The following KCNAB1 variants were observed in gnomAD, a reference collection of about 807,000 sequenced individuals.
KCNAB1 encodes voltage-gated potassium channel subunit beta-1.
Under a neutral mutation model 64.6 loss-of-function variants are expected in KCNAB1, and 35 were observed. The observed-to-expected ratio is 0.54, with a 90% CI of 0.41 to 0.72. The LOEUF (loss-of-function observed/expected upper bound fraction) is 0.72. Among genes scored for constraint, KCNAB1 ranks in the 30% least tolerant of loss-of-function variants. The pLI, the probability that KCNAB1 is intolerant of heterozygous loss-of-function variation, is 0.00. For missense variants in KCNAB1, 401 were observed against 512.9 expected, an observed-to-expected ratio of 0.78 and a Z score of 2.11; for synonymous variants, 177 against 183.8, an observed-to-expected ratio of 0.96 and a Z score of 0.30.
At chr3:156,118,641 G>A (rs1055036072), upstream of KCNAB1, among the ~76,000 whole-genome samples, 6 of 152,234 alleles carry the variant, frequency 3.9e-5, no homozygotes, top group African/African-American at 1.4e-4. Flanking sequence ...GGTACGTGAT[G>A]GAGTTAGGAT....
At chr3:156,512,184 T>C (rs1717258001) in intron 8 of KCNAB1, among the ~76,000 whole-genome samples, 1 of 152,228 alleles carries the variant, frequency 6.6e-6, no homozygotes, top group African/African-American at 2.4e-5. Context: ...TGAAACTCCC[T>C]GAGTCCAGGA....
chr3:156,248,624 A>G (rs1477342079), intron 1 of KCNAB1, among the ~76,000 whole-genome samples: 1 of 152,284 alleles, frequency 6.6e-6, no homozygotes, highest in East Asian at 1.9e-4. Context: ...ACCTAATTCA[A>G]TATAATCTCA....
chr3:156,387,004 TTC>T (rs1306718735), intron 1 of KCNAB1, among the ~76,000 whole-genome samples: 2 of 131,714 alleles, frequency 1.5e-5, no homozygotes, highest in African/African-American at 3.4e-5. Flanking sequence ...CTTGCTTGCT[TTC>T]TCTCTCTCTT....
At chr3:156,427,672 T>C (rs999772436) in intron 2 of KCNAB1, among the ~76,000 whole-genome samples, 5 of 152,124 alleles carry the variant, frequency 3.3e-5, no homozygotes, top group Non-Finnish European at 7.3e-5. Context: ...CAGTGGTATA[T>C]CAATGAAGAG....
At chr3:156,328,264 G>T (rs1014620612) in intron 1 of KCNAB1, among the ~76,000 whole-genome samples, 1 of 152,120 alleles carries the variant, frequency 6.6e-6, no homozygotes, top group East Asian at 1.9e-4. Flanking sequence ...CACTTAAAAA[G>T]AGTTTGGGCT....
At chr3:156,322,785 T>C (rs1056658460) in intron 1 of KCNAB1, among the ~76,000 whole-genome samples, 1 of 152,188 alleles carries the variant, frequency 6.6e-6, no homozygotes, top group African/African-American at 2.4e-5. Flanking sequence ...GGATTCCCTT[T>C]AGAAATGCAG....
intron 1 of KCNAB1, among the ~76,000 whole-genome samples, chr3:156,267,699 C>CAG (rs1718799728): frequency 6.6e-6 from 1 of 152,004 alleles, no homozygotes; most frequent in Admixed American, 6.6e-5. Flanking sequence ...TCTATCTTTG[C>CAG]CCAGGTTCTT....
Position 156,143,181 on chromosome 3 carries a change from G to A in KCNAB1, c.275+22295G>A, listed in dbSNP as rs1168719519. ...TTGCTTCCTTGGGTTTTTGAAACAT[G>A]CATCTGTATAAACCTGCCTGTGCAG... On this transcript the variant is annotated intron_variant, in intron 1 of 13. Coordinates refer to ENST00000490337, the MANE Select transcript of KCNAB1 (RefSeq NM_172160.3). The A allele has an allele frequency of 2.5e-6, 4 of 1,587,762 alleles. No homozygotes were observed. In the East Asian group the frequency reaches 9.0e-5, roughly 36 times the overall value.
intron 1 of KCNAB1, among the ~76,000 whole-genome samples, chr3:156,413,592 A>T (rs1361916604): frequency 6.6e-6 from 1 of 152,200 alleles, no homozygotes; most frequent in African/African-American, 2.4e-5. Context: ...GCTGATAGTA[A>T]GTGATAGAGG....
chr3:156,279,132 A>C, intron 1 of KCNAB1, among the ~76,000 whole-genome samples: 1 of 134,268 alleles, frequency 7.4e-6, no homozygotes, highest in African/African-American at 2.8e-5. Flanking sequence ...CCACCCCACA[A>C]CAGTCCCCAG....
chr3:156,421,542 T>C (rs1715464843), intron 1 of KCNAB1, 74 bp from the exon 2 acceptor site: 3 of 1,459,692 alleles, frequency 2.1e-6, no homozygotes, highest in South Asian at 2.4e-5. Context: ...AAAATGGAGA[T>C]ACAATATCCA....
At chr3:156,354,431 G>A (rs573742151) in intron 1 of KCNAB1, among the ~76,000 whole-genome samples, 90 of 151,866 alleles carry the variant, frequency 5.9e-4, no homozygotes, top group Non-Finnish European at 1.1e-3. Context: ...AAAGTGCTGG[G>A]ATTACAGGCA....
intron 1 of KCNAB1, among the ~76,000 whole-genome samples, chr3:156,172,289 T>C (rs542024854): frequency 6.6e-6 from 1 of 151,828 alleles, no homozygotes; most frequent in Non-Finnish European, 1.5e-5. Context: ...TGGCTTTTTT[T>C]TTTTTTTGGA....
chr3:156,132,111 A>G (rs1052435090), intron 1 of KCNAB1, among the ~76,000 whole-genome samples: 6 of 152,208 alleles, frequency 3.9e-5, no homozygotes, highest in Admixed American at 3.3e-4. Flanking sequence ...TGTGCTTGAA[A>G]CAGGGTTAGG....
chr3:156,267,591 T>C (rs1228305168), intron 1 of KCNAB1, among the ~76,000 whole-genome samples: 2 of 152,142 alleles, frequency 1.3e-5, no homozygotes, highest in East Asian at 3.9e-4. Flanking sequence ...TCTAAATGAG[T>C]TTCCATCCCA....
At chr3:156,389,113 C>T (rs1381887992) in intron 1 of KCNAB1, among the ~76,000 whole-genome samples, 1 of 152,120 alleles carries the variant, frequency 6.6e-6, no homozygotes, top group African/African-American at 2.4e-5. Flanking sequence ...GGTCCGGTGG[C>T]ACTGCAGCCT....
At chr3:156,164,051 A>C (rs1372300431) in intron 1 of KCNAB1, among the ~76,000 whole-genome samples, 3 of 152,150 alleles carry the variant, frequency 2.0e-5, no homozygotes, top group Non-Finnish European at 4.4e-5. Flanking sequence ...TCTCAGTTCT[A>C]ACTGTTTCTT....
intron 1 of KCNAB1, among the ~76,000 whole-genome samples, chr3:156,415,359 A>G (rs1714976014): frequency 6.6e-6 from 1 of 152,190 alleles, no homozygotes; most frequent in Admixed American, 6.5e-5. Context: ...TGCGATGATT[A>G]CCTCCATTTA....
intron 1 of KCNAB1, among the ~76,000 whole-genome samples, chr3:156,357,330 G>A (rs1319134971): frequency 6.6e-6 from 1 of 152,094 alleles, no homozygotes; most frequent in African/African-American, 2.4e-5. Context: ...TTTCAAGTGG[G>A]GACAGTTAGA....
Sources: allele counts gnomAD v4.1 joint callset (sites outside exome capture counted in the v4.1 genomes callset), GRCh38; gene constraint gnomAD v4.1.1; transcripts MANE v1.5; gene names NCBI Gene and HGNC (gene_info 2026-07-23, HGNC 2026-07-21).